Variants in NRXN3 observed in about 807,000 individuals in gnomAD.
NRXN3 encodes the protein neurexin III.
A neutral mutation model predicts 137.6 loss-of-function variants in NRXN3; 32 were observed. The observed-to-expected ratio is 0.23, with a 90% CI of 0.18 to 0.31. The LOEUF is 0.31. Among genes scored for constraint, NRXN3 ranks in the 10% least tolerant of loss-of-function variants. The pLI is 1.00. For missense variants in NRXN3, 1,574 were observed against 2,062.5 expected (o/e 0.76, Z 4.59); for synonymous variants, 798 against 784.5 (o/e 1.02, Z -0.29).
chr14:79,674,838 T>A (rs2098631960), intron 17 of NRXN3, among the ~76,000 whole-genome samples: 1 of 152,090 alleles, frequency 6.6e-6, no homozygotes. Context: ...TAGAGAAATG[T>A]GTTTTTCTCA....
chr14:78,495,971 A>G (rs2095775415), intron 4 of NRXN3, among the ~76,000 whole-genome samples: 1 of 152,166 alleles, frequency 6.6e-6, no homozygotes, highest in African/African-American at 2.4e-5. Flanking sequence ...TTTTACTTCT[A>G]TTTACTGGTA....
intron 15 of NRXN3, among the ~76,000 whole-genome samples, chr14:79,173,505 T>C (rs2061990604): frequency 8.3e-6 from 1 of 121,054 alleles, no homozygotes; most frequent in African/African-American, 3.3e-5. Context: ...CACTCCAGCC[T>C]AGGTGACAGA....
intron 20 of NRXN3, among the ~76,000 whole-genome samples, chr14:79,824,462 C>T (rs2099285571): frequency 6.6e-6 from 1 of 152,000 alleles, no homozygotes; most frequent in African/African-American, 2.4e-5. Context: ...TGAGATCTTT[C>T]AGCAGATGTT....
At chr14:78,420,187 G>C (rs1020376125) in intron 4 of NRXN3, among the ~76,000 whole-genome samples, 4 of 152,134 alleles carry the variant, frequency 2.6e-5, no homozygotes, top group Admixed American at 2.6e-4. Flanking sequence ...TGTTTTGGTA[G>C]ATTAGCTTGG....
chr14:79,778,685 C>G (rs777719555), intron 19 of NRXN3, among the ~76,000 whole-genome samples: 4 of 152,072 alleles, frequency 2.6e-5, no homozygotes, highest in African/African-American at 9.7e-5. Flanking sequence ...AGTATTGACT[C>G]CCAGGCCTGT....
At chr14:79,457,026 G>T (rs568421046) in intron 15 of NRXN3, among the ~76,000 whole-genome samples, 11 of 149,960 alleles carry the variant, frequency 7.3e-5, no homozygotes, top group Admixed American at 7.3e-4. Flanking sequence ...CACTGATGGA[G>T]TGTTTCTCTG....
chr14:79,410,821 C>A (rs2095407176), intron 15 of NRXN3, among the ~76,000 whole-genome samples: 1 of 152,076 alleles, frequency 6.6e-6, no homozygotes, highest in Non-Finnish European at 1.5e-5. Context: ...CTAGGTAATG[C>A]TGATACAATC....
At chr14:79,687,744 C>G (rs952245601) in intron 17 of NRXN3, among the ~76,000 whole-genome samples, 1 of 152,142 alleles carries the variant, frequency 6.6e-6, no homozygotes, top group Non-Finnish European at 1.5e-5. Context: ...TTTCTGCCAG[C>G]CTGGTGCAAA....
intron 4 of NRXN3, among the ~76,000 whole-genome samples, chr14:78,572,469 C>A (rs1389362690): frequency 1.3e-5 from 2 of 152,156 alleles, no homozygotes; most frequent in Non-Finnish European, 2.9e-5. Context: ...GTTTCCAGAG[C>A]CCACAATGAG....
chr14:79,272,541 T>A (rs916695807), intron 15 of NRXN3, among the ~76,000 whole-genome samples: 1 of 152,158 alleles, frequency 6.6e-6, no homozygotes, highest in African/African-American at 2.4e-5. Context: ...TTATTAGAAT[T>A]TATTTTTTAT....
In NRXN3 at chr14:79,341,007, C is replaced by T. The variant is rs548351503; in HGVS notation, c.3263-126214C>T. ...AGAAAATAAATTAAAATGAGAATTG[C>T]GCTAATGCAAATTAAAAGGGTTAAT... On this transcript the variant is annotated intron_variant, in intron 15 of 20. Coordinates refer to ENST00000335750, the MANE Select transcript of NRXN3 (RefSeq NM_001330195.2). Among the ~76,000 whole-genome samples, 6 of 152,134 alleles carry T rather than the reference C, an allele frequency of 3.9e-5. No homozygotes were observed. The East Asian group carries it at 9.7e-4, about 25-fold the overall frequency.
intron 20 of NRXN3, chr14:79,853,799 T>C (rs2099396845): frequency 3.0e-6 from 3 of 992,220 alleles, no homozygotes; most frequent in Non-Finnish European, 3.6e-6. Context: ...TGAAAACTTA[T>C]AAATGCAGAA....
intron 1 of NRXN3, among the ~76,000 whole-genome samples, chr14:78,209,378 G>A (rs4312244): frequency 0.069 from 10,439 of 152,172 alleles, 416 homozygotes; most frequent in East Asian, 0.1. Context: ...GGGCCGGTGC[G>A]ATTACCTCGT....
chr14:79,497,067 T>A (rs893312483), intron 16 of NRXN3, among the ~76,000 whole-genome samples: 1 of 152,218 alleles, frequency 6.6e-6, no homozygotes, highest in Non-Finnish European at 1.5e-5. Flanking sequence ...ATATGTGTGA[T>A]AAGTGGCAGA....
intron 4 of NRXN3, among the ~76,000 whole-genome samples, chr14:78,578,347 A>ATT (rs1276439957): frequency 6.6e-6 from 1 of 152,180 alleles, no homozygotes; most frequent in Non-Finnish European, 1.5e-5. Flanking sequence ...GCTATGAGTA[A>ATT]TTGAAGGTGG....
chr14:78,298,364 T>A (rs1265249626), intron 4 of NRXN3, among the ~76,000 whole-genome samples: 1 of 152,236 alleles, frequency 6.6e-6, no homozygotes, highest in Non-Finnish European at 1.5e-5. Context: ...CCTTGTGGGT[T>A]TGACTGTTTT....
chr14:79,085,467 C>T (rs538578536), intron 15 of NRXN3, among the ~76,000 whole-genome samples: 56 of 152,198 alleles, frequency 3.7e-4, no homozygotes, highest in East Asian at 1.7e-3. Flanking sequence ...TTATTTTTAA[C>T]GCTTCAATGT....
chr14:78,406,299 G>A (rs1163868156), intron 4 of NRXN3, among the ~76,000 whole-genome samples: 1 of 152,158 alleles, frequency 6.6e-6, no homozygotes, highest in South Asian at 2.1e-4. Flanking sequence ...GTCTCCTACC[G>A]AGTTGGCTTT....
At chr14:79,334,951 G>A (rs532921184) in intron 15 of NRXN3, among the ~76,000 whole-genome samples, 1 of 152,266 alleles carries the variant, frequency 6.6e-6, no homozygotes, top group Admixed American at 6.5e-5. Flanking sequence ...ACATTAGACT[G>A]GAGATAAGGT....
Sources: allele counts gnomAD v4.1 joint callset (sites outside exome capture counted in the v4.1 genomes callset), GRCh38; gene constraint gnomAD v4.1.1; transcripts MANE v1.5; gene names NCBI Gene and HGNC (gene_info 2026-07-23, HGNC 2026-07-21).